The following PCDH15 variants were observed in gnomAD, a reference collection of about 807,000 sequenced individuals.
PCDH15 encodes the protein protocadherin related 15.
Under a neutral mutation model 178.5 loss-of-function variants are expected in PCDH15, and 129 were observed. That is an observed-to-expected ratio of 0.72 (90% CI 0.63 to 0.84). The LOEUF (loss-of-function observed/expected upper bound fraction) is 0.84, where lower values mean the gene tolerates loss of function less well. Among genes scored for constraint, PCDH15 ranks in the 40% least tolerant of loss-of-function variants. The probability of loss-of-function intolerance (pLI) is 0.00; values close to 1 mark genes in which losing one functional copy is unlikely to be tolerated. For synonymous variants in PCDH15, 800 were observed against 732.0 expected (o/e 1.09, Z -1.50); for missense variants, 2,230 against 2,099.9 (o/e 1.06, Z -1.21).
chr10:53,937,478 C>T (rs1432506790), intron 25 of PCDH15, among the ~76,000 whole-genome samples: 4 of 152,120 alleles, frequency 2.6e-5, no homozygotes, highest in African/African-American at 9.7e-5. Context: ...AACATAATTG[C>T]CTGTAGTTTA....
chr10:54,391,641 G>A (rs1950559219), intron 3 of PCDH15, among the ~76,000 whole-genome samples: 1 of 151,512 alleles, frequency 6.6e-6, no homozygotes, highest in Admixed American at 6.6e-5. Flanking sequence ...CATGAGCCAT[G>A]TTTAGAAAAG....
intron 15 of PCDH15, among the ~76,000 whole-genome samples, chr10:54,096,752 C>A (rs2094707076): frequency 6.6e-6 from 1 of 152,176 alleles, no homozygotes; most frequent in Non-Finnish European, 1.5e-5. Flanking sequence ...TACCAAATGT[C>A]CTACTTCTAA....
intron 2 of PCDH15, among the ~76,000 whole-genome samples, chr10:55,510,784 T>G (rs189493435): frequency 4.3e-4 from 65 of 150,790 alleles, no homozygotes; most frequent in African/African-American, 1.6e-3. Flanking sequence ...TTAGAAATAT[T>G]TTATGCACTT....
chr10:54,321,954 C>G (rs1300861522), intron 7 of PCDH15, among the ~76,000 whole-genome samples: 2 of 151,874 alleles, frequency 1.3e-5, no homozygotes, highest in Non-Finnish European at 2.9e-5. Flanking sequence ...AAAAATATGT[C>G]TCATGCACAC....
chr10:54,117,993 T>C (rs1243411384), intron 15 of PCDH15, among the ~76,000 whole-genome samples: 1 of 152,174 alleles, frequency 6.6e-6, no homozygotes, highest in Admixed American at 6.6e-5. Context: ...GCCCCCAGGC[T>C]ATTACTATAA....
chr10:54,982,824 G>A (rs990569491), intron 2 of PCDH15, among the ~76,000 whole-genome samples: 4 of 151,970 alleles, frequency 2.6e-5, no homozygotes, highest in African/African-American at 9.7e-5. Context: ...GCATTATATT[G>A]ATAATATCTA....
intron 2 of PCDH15, among the ~76,000 whole-genome samples, chr10:55,082,812 G>A (rs1054181888): frequency 6.6e-6 from 1 of 151,748 alleles, no homozygotes; most frequent in Non-Finnish European, 1.5e-5. Flanking sequence ...ATTGATAAAT[G>A]TCTGGAGATA....
intron 3 of PCDH15, among the ~76,000 whole-genome samples, chr10:54,524,815 A>T (rs2083220799): frequency 6.6e-6 from 1 of 152,132 alleles, no homozygotes; most frequent in Non-Finnish European, 1.5e-5. Context: ...GCCCCTTTAC[A>T]ACGTAAGCTT....
intron 2 of PCDH15, among the ~76,000 whole-genome samples, chr10:55,456,804 T>C (rs1050212563): frequency 1.3e-5 from 2 of 152,050 alleles, no homozygotes; most frequent in East Asian, 1.9e-4. Context: ...CCATAGATGA[T>C]AGATGATAAT....
At chr10:55,152,423 A>G (rs541687138) in intron 2 of PCDH15, among the ~76,000 whole-genome samples, 1 of 152,200 alleles carries the variant, frequency 6.6e-6, no homozygotes, top group African/African-American at 2.4e-5. Context: ...ATAATTACTC[A>G]ATTCATTTTA....
At chr10:54,734,850 C>A (rs1224704564) in intron 1 of PCDH15, among the ~76,000 whole-genome samples, 1 of 149,280 alleles carries the variant, frequency 6.7e-6, no homozygotes, top group African/African-American at 2.5e-5. Context: ...CAGTAAAAAG[C>A]AAAACTATAA....
At chr10:54,009,527 A>G (rs2092502109) in intron 20 of PCDH15, among the ~76,000 whole-genome samples, 1 of 152,220 alleles carries the variant, frequency 6.6e-6, no homozygotes. Flanking sequence ...AAGAGAACTA[A>G]CTAGAGGGAG....
At chr10:55,166,530 C>T (rs1591958574) in intron 2 of PCDH15, 1 of 152,196 alleles carries the variant, frequency 6.6e-6, no homozygotes, top group East Asian at 1.9e-4. Context: ...TGTTATTCTT[C>T]AAAGGAGAAG....
intron 26 of PCDH15, among the ~76,000 whole-genome samples, chr10:53,891,977 C>A (rs1324365649): frequency 7.1e-6 from 1 of 141,670 alleles, no homozygotes; most frequent in Non-Finnish European, 1.5e-5. Flanking sequence ...TCAAAACAAA[C>A]AAACAAAAAA....
At chr10:55,389,451 C>A (rs554068413) in intron 2 of PCDH15, among the ~76,000 whole-genome samples, 7 of 151,594 alleles carry the variant, frequency 4.6e-5, no homozygotes, top group African/African-American at 1.5e-4. Flanking sequence ...TTCTAATTTG[C>A]GACTGTATTA....
chr10:54,868,863 A>G (rs770387342), intron 3 of PCDH15, among the ~76,000 whole-genome samples: 7 of 152,214 alleles, frequency 4.6e-5, no homozygotes, highest in Non-Finnish European at 8.8e-5. Context: ...CTTGGTGGAC[A>G]TATAAGATAC....
intron 14 of PCDH15, among the ~76,000 whole-genome samples, chr10:54,146,314 A>C (rs2133239059): frequency 6.6e-6 from 1 of 152,088 alleles, no homozygotes; most frequent in African/African-American, 2.4e-5. Flanking sequence ...TTTTATGAAA[A>C]GAATGGGAAT....
chr10:54,038,302 A>G (rs1590057744), intron 18 of PCDH15, among the ~76,000 whole-genome samples: 1 of 151,896 alleles, frequency 6.6e-6, no homozygotes, highest in Non-Finnish European at 1.5e-5. Flanking sequence ...AGAAAAAGCT[A>G]TACTGTATAA....
chr10:54,286,628 A>G (rs983795159), intron 8 of PCDH15, among the ~76,000 whole-genome samples: 1 of 151,418 alleles, frequency 6.6e-6, no homozygotes, highest in South Asian at 2.1e-4. Flanking sequence ...ACTCTTCCTG[A>G]TTTTTTTTTC....
Sources: allele counts gnomAD v4.1 joint callset (sites outside exome capture counted in the v4.1 genomes callset), GRCh38; gene constraint gnomAD v4.1.1; transcripts MANE v1.5; gene names NCBI Gene and HGNC (gene_info 2026-07-23, HGNC 2026-07-21).